SLC41A1: variants seen among roughly 807,000 people sequenced by gnomAD.
SLC41A1 encodes the protein solute carrier family 41 member 1, also known as solute carrier family 41 (magnesium transporter), member 1.
SLC41A1 carries 20 observed loss-of-function variants against 47.3 expected under a neutral mutation model. That is an observed-to-expected ratio of 0.42 (90% CI 0.30 to 0.61). The LOEUF (loss-of-function observed/expected upper bound fraction) is 0.61, where lower values mean the gene tolerates loss of function less well. SLC41A1 is among the 20% of genes least tolerant of loss of function. The probability of loss-of-function intolerance (pLI) is 0.17; values close to 1 mark genes in which losing one functional copy is unlikely to be tolerated. For missense variants in SLC41A1, 504 were observed against 674.1 expected (o/e 0.75, Z 2.79); for synonymous variants, 282 against 272.7 (o/e 1.03, Z -0.34).
chr1:205,797,073 G>C, intron 7 of SLC41A1, 70 bp from the exon 8 acceptor site: 2 of 1,368,534 alleles, frequency 1.5e-6, no homozygotes, highest in South Asian at 1.2e-5. Context: ...TGGGATGAGA[G>C]GTCCAGGCCC....
At chr1:205,794,771 G>A in intron 10 of SLC41A1, 99 bp downstream of exon 10, 1 of 1,489,630 alleles carries the variant, frequency 6.7e-7, no homozygotes, top group Non-Finnish European at 9.2e-7. Context: ...CACAGAGAAA[G>A]AGGAGGTTGA....
intron 2 of SLC41A1, among the ~76,000 whole-genome samples, chr1:205,803,907 C>T (rs1477361488): frequency 6.6e-6 from 1 of 152,082 alleles, no homozygotes; most frequent in Non-Finnish European, 1.5e-5. Context: ...AGGTATGAGG[C>T]ACCGAGCCCA....
intron 1 of SLC41A1, among the ~76,000 whole-genome samples, chr1:205,812,231 T>C (rs962771733): frequency 2.0e-5 from 3 of 152,164 alleles, no homozygotes; most frequent in African/African-American, 7.2e-5. Context: ...CCTTAAGTAT[T>C]CCAAACACAC....
At chr1:205,803,972 T>A (rs1350516074) in intron 2 of SLC41A1, among the ~76,000 whole-genome samples, 1 of 152,002 alleles carries the variant, frequency 6.6e-6, no homozygotes. Flanking sequence ...AGCAAGGCGC[T>A]GGGGGAGCAG....
At chr1:205,794,301 T>C (rs1422339458) in intron 10 of SLC41A1, among the ~76,000 whole-genome samples, 1 of 152,270 alleles carries the variant, frequency 6.6e-6, no homozygotes, top group African/African-American at 2.4e-5. Flanking sequence ...ATGGGATTTC[T>C]GAACCTTTTT....
chr1:205,799,220 C>CCA, intron 4 of SLC41A1, 119 bp from the exon 5 acceptor site: 1 of 1,356,060 alleles, frequency 7.4e-7, no homozygotes, highest in Non-Finnish European at 1.0e-6. Context: ...GCAGGCTGGA[C>CCA]TGCATGGTCC....
rs373732036 is a variant in SLC41A1, at chr1:205,797,009, G to A, written c.993-6C>T. ...CCAAGATGAGGCCTCCCACACTATA[G>A]AGACATAAAGACAAAATGACGCAAA... On this transcript the variant is annotated splice_region_variant and splice_polypyrimidine_tract_variant and intron_variant, in intron 7 of 10. Coordinates refer to ENST00000367137, the MANE Select transcript of SLC41A1 (RefSeq NM_173854.6). 47 of 1,591,922 alleles carry A rather than the reference G, an allele frequency of 3.0e-5. No homozygotes were observed. Among genetic ancestry groups the A allele is most frequent in the Non-Finnish European group, 4.0e-5 (47 of 1,171,414 alleles).
chr1:205,797,624 A>G (rs1476981891), intron 7 of SLC41A1, among the ~76,000 whole-genome samples: 1 of 152,266 alleles, frequency 6.6e-6, no homozygotes, highest in East Asian at 1.9e-4. Flanking sequence ...GCCATGACAG[A>G]GAAGAGCAGA....
intron 2 of SLC41A1, among the ~76,000 whole-genome samples, chr1:205,804,182 G>C (rs1655958399): frequency 6.6e-6 from 1 of 152,144 alleles, no homozygotes; most frequent in South Asian, 2.1e-4. Context: ...GAGGGGGTGG[G>C]GCTAGGGCTT....
chr1:205,810,226 CTGGCTCCCG>C lies in SLC41A1; in HGVS notation c.207_215del (p.Asn69_Gln72delinsLys). On this transcript the variant is annotated inframe_deletion, in exon 2 of 11. Transcript: ENST00000367137. This position sits in a 1 kb window ranked among gnomAD's most constrained non-coding sequence, Gnocchi z 5.5. ...TGCTGACGTCGTCACTTTCGTTGCT[CTGGCTCCCG>C]TTCTCCAGCAGGGCGTCCTCCTCCC... 6.2e-7 allele frequency: 1 copy of C among 1,614,256 alleles called. No individual in the cohort carries two copies. Among genetic ancestry groups the C allele is most frequent in the South Asian group, 1.1e-5 (1 of 91,080 alleles).
At chr1:205,796,335 C>T in intron 8 of SLC41A1, 1 of 168,322 alleles carries the variant, frequency 5.9e-6, no homozygotes, top group Admixed American at 5.6e-5. Flanking sequence ...CATGTTGTGG[C>T]TTGGTCCCCA....
rs1656128204 is a variant in SLC41A1, at chr1:205,810,595, G to A, written c.-154C>T. The A allele has an allele frequency of 8.8e-7, 1 of 1,132,126 alleles. No individual in the cohort carries two copies. The highest frequency in any genetic ancestry group is 1.3e-6 in the Non-Finnish European group (1 of 791,306). 70.1% of individuals were successfully genotyped at this position (1,132,126 alleles called of 1,614,324 possible). The stretch of plus-strand genomic sequence containing the variant: ...CGGCTCTCCACTCCTACCAGGCACT[G>A]CAAAAACTGATCCACCAACAGGCAG... On this transcript the variant is annotated 5_prime_UTR_variant, in exon 2 of 11. Transcript: ENST00000367137. This position sits in a 1 kb window ranked among gnomAD's most constrained non-coding sequence, Gnocchi z 5.5.
intron 10 of SLC41A1, among the ~76,000 whole-genome samples, chr1:205,793,248 A>C (rs1371312916): frequency 6.6e-6 from 1 of 152,210 alleles, no homozygotes; most frequent in Non-Finnish European, 1.5e-5. Context: ...AAAGGGATCA[A>C]TAAGAGCCTT....
chr1:205,797,020 A>G lies in SLC41A1; in HGVS notation c.993-17T>C. 1.3e-6 allele frequency: 2 copies of G among 1,510,082 alleles called. No homozygotes were observed. Among genetic ancestry groups the G allele is most frequent in the East Asian group, 2.4e-5 (1 of 41,574 alleles). 93.5% of individuals were successfully genotyped at this position (1,510,082 alleles called of 1,614,324 possible). On this transcript the variant is annotated splice_polypyrimidine_tract_variant and intron_variant, in intron 7 of 10. Transcript: ENST00000367137. ...CCTCCCACACTATAGAGACATAAAGACAAAATGACGCAAAGACCACTGAAG... is the reference window on the plus strand; with the variant it reads ...CCTCCCACACTATAGAGACATAAAGGCAAAATGACGCAAAGACCACTGAAG...
chr1:205,809,977 T>C, intron 2 of SLC41A1, 93 bp downstream of exon 2: 1 of 1,568,316 alleles, frequency 6.4e-7, no homozygotes, highest in Non-Finnish European at 8.7e-7. Flanking sequence ...AGCAGCCACT[T>C]CTGACAGGGA....
Position 205,810,559 on chromosome 1 carries a change from A to T in SLC41A1, c.-118T>A. On this transcript the variant is annotated 5_prime_UTR_variant, in exon 2 of 11. Transcript: ENST00000367137. This position sits in a 1 kb window ranked among gnomAD's most constrained non-coding sequence, Gnocchi z 5.5. Reference sequence around the variant, plus strand: ...TGAACCCAGGCTTGGGCGCCGCAGGACCTCTTCCCACGGCTCTCCACTCCT... The same window carrying T: ...TGAACCCAGGCTTGGGCGCCGCAGGTCCTCTTCCCACGGCTCTCCACTCCT... 1 of 1,508,294 alleles carries T rather than the reference A, an allele frequency of 6.6e-7. No homozygotes were observed. Among genetic ancestry groups the T allele is most frequent in the East Asian group, 2.3e-5 (1 of 44,228 alleles). The allele number at this position is 1,508,294 out of a possible 1,614,324, so 93.4% of individuals were successfully genotyped here.
At chr1:205,794,719 T>A in intron 10 of SLC41A1, 151 bp downstream of exon 10, 4 of 1,026,156 alleles carry the variant, frequency 3.9e-6, no homozygotes, top group Non-Finnish European at 5.8e-6. Context: ...AACTACCATC[T>A]GTTCTCCTGC....
rs1655716598 is a variant in SLC41A1 at position 205,795,204 on chromosome 1, C to T, written c.1207+140G>A. The T allele has an allele frequency of 3.4e-6, 5 of 1,479,626 alleles. No homozygotes were observed. The African/African-American group carries it at 7.0e-5, about 21-fold the overall frequency. The allele number at this position is 1,479,626 out of a possible 1,614,324, so 91.7% of individuals were successfully genotyped here. A position where few individuals can be genotyped will look rare whatever the true frequency, so the allele number is the denominator to read the frequency against. Reference sequence around the variant, plus strand: ...GGAAAAGACAGCCCTCCTGCCTGGGCTCTGCCCTTCAGAACAGCTGGCACA... The same window carrying T: ...GGAAAAGACAGCCCTCCTGCCTGGGTTCTGCCCTTCAGAACAGCTGGCACA... On this transcript the variant is annotated intron_variant, in intron 9 of 10. Transcript: ENST00000367137.
chr1:205,811,372 G>C (rs1656151290), intron 1 of SLC41A1, among the ~76,000 whole-genome samples: 1 of 152,356 alleles, frequency 6.6e-6, no homozygotes, highest in Admixed American at 6.5e-5. Flanking sequence ...GGAAGATGCT[G>C]TGCAGAAGCC....
Sources: allele counts gnomAD v4.1 joint callset (sites outside exome capture counted in the v4.1 genomes callset), GRCh38; gene constraint gnomAD v4.1.1; non-coding constraint Gnocchi (gnomAD v3.1); transcripts MANE v1.5; gene names NCBI Gene and HGNC (gene_info 2026-07-23, HGNC 2026-07-21).